Variants in RET observed in about 807,000 individuals in gnomAD.
RET encodes proto-oncogene tyrosine-protein kinase receptor Ret.
Under a neutral mutation model 118.3 loss-of-function variants are expected in RET, and 19 were observed. The observed-to-expected ratio is 0.16, with a 90% CI of 0.11 to 0.24. RET has a LOEUF of 0.24. Ranked by LOEUF, RET falls within the 10% of genes least tolerant of loss-of-function variation. RET has a pLI of 1.00. For missense variants in RET, 1,219 were observed against 1,502.1 expected (o/e 0.81, Z 3.12); for synonymous variants, 597 against 644.1 (o/e 0.93, Z 1.11).
intron 1 of RET, among the ~76,000 whole-genome samples, chr10:43,099,545 TAAATA>T (rs1837590409): frequency 6.6e-6 from 1 of 151,418 alleles, no homozygotes; most frequent in South Asian, 2.1e-4. Flanking sequence ...AATAAATAAA[TAAATA>T]AATAAATAAA....
chr10:43,119,329 G>A (rs192317831), intron 13 of RET, among the ~76,000 whole-genome samples: 1 of 152,202 alleles, frequency 6.6e-6, no homozygotes. Context: ...GAGGCAGAGA[G>A]CAAGTGGTTC....
At chr10:43,091,596 A>G (rs1430181824) in intron 1 of RET, among the ~76,000 whole-genome samples, 1 of 148,386 alleles carries the variant, frequency 6.7e-6, no homozygotes, top group Non-Finnish European at 1.5e-5. Flanking sequence ...GTGCCACTGC[A>G]CTCCAGCCTG....
intron 9 of RET, 128 bp downstream of exon 9, chr10:43,113,091 T>C: frequency 1.3e-6 from 1 of 787,532 alleles, no homozygotes; most frequent in Non-Finnish European, 2.2e-6. Flanking sequence ...CTCCTGTGCA[T>C]TTCAGCATCA....
rs1467622682 is a variant in RET, at chr10:43,129,472, A to ACTCATAAGCTT, written c.*1206_*1216dup. ...TTCTGTTTCTTAGATTCTGACCATGACTCATAAGCTTCTTGTCATTCTTCA... is the reference window on the plus strand; with the variant it reads ...TTCTGTTTCTTAGATTCTGACCATGACTCATAAGCTTCTCATAAGCTTCTTGTCATTCTTCA... On this transcript the variant is annotated 3_prime_UTR_variant, in exon 20 of 20. Coordinates refer to ENST00000355710, the MANE Select transcript of RET (RefSeq NM_020975.6). 4.3e-6 allele frequency: 1 copy of ACTCATAAGCTT among 233,984 alleles called. No homozygotes were observed. The highest frequency in any genetic ancestry group is 8.4e-6 in the Non-Finnish European group (1 of 118,418). 14.5% of individuals were successfully genotyped at this position (233,984 alleles called of 1,614,324 possible). A position where few individuals can be genotyped will look rare whatever the true frequency, so the allele number is the denominator to read the frequency against.
At chr10:43,113,804 C>T in intron 10 of RET, 129 bp downstream of exon 10, 1 of 1,319,606 alleles carries the variant, frequency 7.6e-7, no homozygotes, top group Non-Finnish European at 1.0e-6. Context: ...TCCCTCCCTC[C>T]CTCTGGGCCT....
Position 43,112,341 on chromosome 10 carries a change from C to T in RET, c.1648+117C>T, listed in dbSNP as rs3026752. 4.7e-4 allele frequency: 679 copies of T among 1,447,890 alleles called. 7 individuals are homozygous for T. The East Asian group carries it at 0.013, about 28-fold the overall frequency. The allele number at this position is 1,447,890 out of a possible 1,614,324, so 89.7% of individuals were successfully genotyped here. A position where few individuals can be genotyped will look rare whatever the true frequency, so the allele number is the denominator to read the frequency against. ...CCCTGCTCCAGGTCTGCTTCTGGCA[C>T]CTCATCCCCCATGTGGCTCTCGATG... On this transcript the variant is annotated intron_variant, in intron 8 of 19. Coordinates refer to ENST00000355710, the MANE Select transcript of RET (RefSeq NM_020975.6).
intron 17 of RET, 98 bp from the exon 18 acceptor site, chr10:43,124,785 G>A (rs1838292927): frequency 8.5e-7 from 1 of 1,178,178 alleles, no homozygotes; most frequent in South Asian, 1.2e-5. Flanking sequence ...AGCACACTGG[G>A]CCCAGGGTAC....
rs959581002 is a variant in RET, at chr10:43,116,566, C to T, written c.2137-18C>T. On this transcript the variant is annotated intron_variant, in intron 11 of 19. Coordinates refer to ENST00000355710, the MANE Select transcript of RET (RefSeq NM_020975.6). ...ACTTTTCCCCCCTCTTCTCCCCCTTCCCTCATTTCCAACATAGGAGGATCC... is the reference window on the plus strand; with the variant it reads ...ACTTTTCCCCCCTCTTCTCCCCCTTTCCTCATTTCCAACATAGGAGGATCC... 3.7e-6 allele frequency: 6 copies of T among 1,613,096 alleles called. No homozygotes were observed. The highest frequency in any genetic ancestry group is 5.1e-6 in the Non-Finnish European group (6 of 1,179,388).
intron 1 of RET, among the ~76,000 whole-genome samples, chr10:43,090,340 T>C (rs898501567): frequency 6.6e-6 from 1 of 152,170 alleles, no homozygotes; most frequent in African/African-American, 2.4e-5. Context: ...TGTCCAGTAG[T>C]GGCTGCCCGG....
At position 43,119,857 on chromosome 10, in the gene RET, A is replaced by G; in HGVS notation, c.2607+112A>G. ...CCACTCCCCCACCATGCCACACTCT[A>G]GCCCACCATGCCCCTGCCATGGCAT... is the stretch of plus-strand genomic sequence containing the variant. On this transcript the variant is annotated intron_variant, in intron 14 of 19. Transcript: ENST00000355710. 3.8e-6 allele frequency: 5 copies of G among 1,318,558 alleles called. No individual in the cohort carries two copies. In the South Asian group the frequency reaches 6.1e-5, roughly 16 times the overall value. 81.7% of individuals were successfully genotyped at this position (1,318,558 alleles called of 1,614,324 possible).
rs545803088 is a variant in RET, at chr10:43,087,215, C to T, written c.73+9884C>T. On this transcript the variant is annotated intron_variant, in intron 1 of 19. Transcript: ENST00000355710. ...ATCGTGGTGCCTCCCAGGCCAGGGCCGGGCCCCATCTCTCCTCCTCCTCAG... is the reference window on the plus strand; with the variant it reads ...ATCGTGGTGCCTCCCAGGCCAGGGCTGGGCCCCATCTCTCCTCCTCCTCAG... Among the ~76,000 whole-genome samples, 8 of 152,324 alleles carry T rather than the reference C, an allele frequency of 5.3e-5. No homozygotes were observed. The East Asian group carries it at 1.5e-3, about 29-fold the overall frequency.
rs878855061 is a variant in RET at position 43,123,667 on chromosome 10, G to T, written c.2802-4G>T. 5.0e-6 allele frequency: 8 copies of T among 1,614,000 alleles called. No homozygotes were observed. Among genetic ancestry groups the T allele is most frequent in the Admixed American group, 1.7e-5 (1 of 60,012 alleles). On this transcript the variant is annotated splice_region_variant and splice_polypyrimidine_tract_variant and intron_variant, in intron 16 of 19. Transcript: ENST00000355710. ...CCACTCACTGGTCCTTTCACTCTCT[G>T]CAGATGGTCTTTTGGTGTCCTGCTG...
intron 1 of RET, among the ~76,000 whole-genome samples, chr10:43,098,181 G>A (rs889187126): frequency 5.3e-5 from 8 of 152,070 alleles, no homozygotes; most frequent in South Asian, 2.1e-4. Context: ...CACCACCTCC[G>A]TCCCTGAACT....
rs537684404 is a variant in RET at position 43,106,634 on chromosome 10, G to A, written c.1063+63G>A. On this transcript the variant is annotated intron_variant, in intron 5 of 19. Coordinates refer to ENST00000355710, the MANE Select transcript of RET (RefSeq NM_020975.6). This position sits in a 1 kb window ranked among gnomAD's most constrained non-coding sequence, Gnocchi z 5.1. The stretch of plus-strand genomic sequence containing the variant: ...AGGAAATGAGGTGCTCGCTCTTCAT[G>A]GGCAAGCAGCACCCTACACACATGC... 9.6e-5 allele frequency: 148 copies of A among 1,538,448 alleles called. No homozygotes were observed. In the East Asian group the frequency reaches 3.4e-3, roughly 35 times the overall value.
Position 43,121,707 on chromosome 10 carries a change from T to C in RET, c.2731-239T>C, listed in dbSNP as rs542622576. ...AGCAGGCCTGTGGCATGTGACAAGC[T>C]GGCCCTGTGTGCCTGTGGGTGGGCA... On this transcript the variant is annotated intron_variant, in intron 15 of 19. Transcript: ENST00000355710. 6.8e-4 allele frequency among the ~76,000 whole-genome samples: 104 copies of C among 152,308 alleles called. 1 individual carries two copies. Among genetic ancestry groups the C allele is most frequent in the African/African-American group, 2.4e-3 (101 of 41,560 alleles).
intron 5 of RET, among the ~76,000 whole-genome samples, chr10:43,107,451 G>T (rs1446119327): frequency 1.3e-5 from 2 of 152,088 alleles, no homozygotes; most frequent in African/African-American, 4.8e-5. Flanking sequence ...TCTGCTGGAG[G>T]TTCCTGCAGT....
chr10:43,120,344 C>G, intron 15 of RET, 141 bp downstream of exon 15: 1 of 1,256,094 alleles, frequency 8.0e-7, no homozygotes, highest in Non-Finnish European at 1.1e-6. Context: ...CCAAATCTTT[C>G]TGACCCTGGG....
intron 1 of RET, among the ~76,000 whole-genome samples, chr10:43,078,950 G>A (rs941255934): frequency 2.0e-5 from 3 of 152,212 alleles, no homozygotes; most frequent in Non-Finnish European, 4.4e-5. Context: ...GACAGCTGGG[G>A]CCTTTGAAGA....
intron 1 of RET, among the ~76,000 whole-genome samples, chr10:43,090,992 C>T (rs1837399177): frequency 6.6e-6 from 1 of 151,634 alleles, no homozygotes; most frequent in African/African-American, 2.4e-5. Flanking sequence ...GTGTACCTGC[C>T]CCAGGCAGGT....
Sources: allele counts gnomAD v4.1 joint callset (sites outside exome capture counted in the v4.1 genomes callset), GRCh38; gene constraint gnomAD v4.1.1; non-coding constraint Gnocchi (gnomAD v3.1); transcripts MANE v1.5; gene names NCBI Gene and HGNC (gene_info 2026-07-23, HGNC 2026-07-21).